AXDND1: variants seen among roughly 807,000 people sequenced by gnomAD.
AXDND1 encodes axonemal dynein light chain domain-containing protein 1.
In AXDND1, 110 loss-of-function variants were observed where a neutral mutation model predicts 137.5. That is an observed-to-expected ratio of 0.80 (90% CI 0.69 to 0.94). The LOEUF (loss-of-function observed/expected upper bound fraction) is 0.94. Among genes scored for constraint, AXDND1 ranks in the 40% least tolerant of loss-of-function variants. The pLI is 0.00. For missense variants in AXDND1, 1,191 were observed against 1,169.8 expected, an observed-to-expected ratio of 1.02 and a Z score of -0.26; for synonymous variants, 414 against 399.7, an observed-to-expected ratio of 1.04 and a Z score of -0.43.
intron 18 of AXDND1, among the ~76,000 whole-genome samples, chr1:179,485,788 TA>T (rs779752155): frequency 1.3e-5 from 2 of 152,064 alleles, no homozygotes; most frequent in African/African-American, 2.4e-5. Context: ...AGGATTACAA[TA>T]AAATGATACA....
intron 22 of AXDND1, among the ~76,000 whole-genome samples, chr1:179,527,351 A>T (rs1333453501): frequency 6.6e-6 from 1 of 152,172 alleles, no homozygotes; most frequent in Non-Finnish European, 1.5e-5. Flanking sequence ...TTTATCAGCA[A>T]GGTCTTTATG....
At chr1:179,534,566 C>T (rs1671333465) in intron 24 of AXDND1, 164 bp from the exon 25 acceptor site, 2 of 786,684 alleles carry the variant, frequency 2.5e-6, no homozygotes, top group Admixed American at 3.7e-5. Context: ...CAGAGTCGCT[C>T]CTGGGCCCCC....
chr1:179,521,269 GCT>G (rs1670035590), intron 21 of AXDND1, among the ~76,000 whole-genome samples: 1 of 151,982 alleles, frequency 6.6e-6, no homozygotes, highest in Admixed American at 6.6e-5. Context: ...AATTTTATAT[GCT>G]GTGACTTTAC....
chr1:179,504,639 G>A (rs1297808235), intron 20 of AXDND1, among the ~76,000 whole-genome samples: 1 of 152,114 alleles, frequency 6.6e-6, no homozygotes, highest in East Asian at 1.9e-4. Flanking sequence ...AGATTTTGTG[G>A]AAGCCTTGTG....
At chr1:179,551,110 T>A in intron 25 of AXDND1, 1 of 1,601,476 alleles carries the variant, frequency 6.2e-7, no homozygotes, top group Non-Finnish European at 8.5e-7. Flanking sequence ...ACAGAGTGTC[T>A]CCCTCAGGCA....
chr1:179,527,022 A>G (rs1670593765), intron 22 of AXDND1, among the ~76,000 whole-genome samples: 1 of 152,238 alleles, frequency 6.6e-6, no homozygotes, highest in Non-Finnish European at 1.5e-5. Context: ...CTTGCACAAG[A>G]AAGAATTCAG....
intron 9 of AXDND1, 73 bp from the exon 10 acceptor site, chr1:179,393,830 T>C (rs1650582835): frequency 1.4e-6 from 2 of 1,408,728 alleles, no homozygotes; most frequent in Non-Finnish European, 1.9e-6. Context: ...TTTGTGTACA[T>C]TGATTTTGTA....
intron 21 of AXDND1, among the ~76,000 whole-genome samples, chr1:179,517,304 C>A (rs1045774748): frequency 6.6e-6 from 1 of 152,196 alleles, no homozygotes; most frequent in African/African-American, 2.4e-5. Flanking sequence ...CACCATGCCC[C>A]TACTAACAGC....
intron 16 of AXDND1, among the ~76,000 whole-genome samples, chr1:179,465,562 G>A (rs1025123027): frequency 2.6e-5 from 4 of 152,190 alleles, no homozygotes; most frequent in African/African-American, 9.6e-5. Context: ...TAGGCTACTC[G>A]GGGGTCATGG....
chr1:179,514,989 G>T (rs1669396740), intron 21 of AXDND1, among the ~76,000 whole-genome samples: 3 of 152,110 alleles, frequency 2.0e-5, no homozygotes, highest in Non-Finnish European at 4.4e-5. Context: ...GGGAGCAGAT[G>T]GTTGGTGAGT....
Position 179,391,423 on chromosome 1 carries a change from G to A in AXDND1, c.864-2480G>A, listed in dbSNP as rs536333720. 5.3e-5 allele frequency among the ~76,000 whole-genome samples: 8 copies of A among 152,132 alleles called. No homozygotes were observed. The East Asian group carries it at 7.7e-4, about 15-fold the overall frequency. Reference sequence around the variant, plus strand: ...CATAATCCCCACATGTTGTGGAAGGGACCAGGTAGAGATGGTTGAGTCATG... The same window carrying A: ...CATAATCCCCACATGTTGTGGAAGGAACCAGGTAGAGATGGTTGAGTCATG... On this transcript the variant is annotated intron_variant, in intron 9 of 25. Coordinates refer to ENST00000367618, the MANE Select transcript of AXDND1 (RefSeq NM_144696.6).
chr1:179,448,434 G>T, intron 16 of AXDND1: 3 of 547,934 alleles, frequency 5.5e-6, no homozygotes, highest in South Asian at 2.1e-5. Flanking sequence ...ATTTTCTTCT[G>T]CACCATTTTC....
In AXDND1 at chr1:179,488,584, CTCTCTCTT is replaced by C. The variant is rs112474985; in HGVS notation, c.2092-2950_2092-2943del. ...CCTGGCCTGATCTATCTTTCTTTCT[CTCTCTCTT>C]TCTTTCTTTCTTTTTCTTTCTTTCT... On this transcript the variant is annotated intron_variant, in intron 18 of 25. Transcript: ENST00000367618. Among the ~76,000 whole-genome samples, 4 of 111,716 alleles carry C rather than the reference CTCTCTCTT, an allele frequency of 3.6e-5. 1 individual carries two copies. Among genetic ancestry groups the C allele is most frequent in the African/African-American group, 6.9e-5 (2 of 29,142 alleles). The allele number at this position is 111,716 out of a possible 152,430, so 73.3% of individuals were successfully genotyped here. A position where few individuals can be genotyped will look rare whatever the true frequency, so the allele number is the denominator to read the frequency against.
chr1:179,463,331 T>C (rs922544486), intron 16 of AXDND1, among the ~76,000 whole-genome samples: 4 of 152,228 alleles, frequency 2.6e-5, no homozygotes, highest in Admixed American at 2.6e-4. Context: ...TTTGTTCTCA[T>C]TGGTTTCGAA....
At chr1:179,379,340 G>A (rs995391213) in intron 5 of AXDND1, 57 bp from the exon 6 acceptor site, 7 of 1,549,282 alleles carry the variant, frequency 4.5e-6, no homozygotes, top group East Asian at 2.4e-5. Context: ...TTGTGCAAGT[G>A]AATTTTTTCT....
At chr1:179,473,465 T>G (rs1664219886) in intron 17 of AXDND1, among the ~76,000 whole-genome samples, 1 of 152,080 alleles carries the variant, frequency 6.6e-6, no homozygotes, top group African/African-American at 2.4e-5. Flanking sequence ...GCCATTGCAC[T>G]CCAGCCTGAG....
chr1:179,548,195 G>A (rs1227079917), intron 25 of AXDND1, among the ~76,000 whole-genome samples: 1 of 152,154 alleles, frequency 6.6e-6, no homozygotes, highest in African/African-American at 2.4e-5. Flanking sequence ...GCTCTTATTT[G>A]GATGCAGCCT....
At position 179,481,629 on chromosome 1, in the gene AXDND1, C is replaced by T. The variant is rs1442243998; in HGVS notation, c.1998-1499C>T. 2.6e-5 allele frequency among the ~76,000 whole-genome samples: 4 copies of T among 152,306 alleles called. No individual in the cohort carries two copies. In the East Asian group the frequency reaches 7.7e-4, roughly 29 times the overall value. ...GTGTAAAAGTGTTCCTATTTCCCCA[C>T]ATCCTCTCCAGCACCTGTTGTTTGC... On this transcript the variant is annotated intron_variant, in intron 17 of 25. Coordinates refer to ENST00000367618, the MANE Select transcript of AXDND1 (RefSeq NM_144696.6).
rs533653711 is a variant in AXDND1, at chr1:179,456,557, G to A, written c.1798+11353G>A. 1.8e-4 allele frequency: 139 copies of A among 777,186 alleles called. 1 individual carries two copies. The highest frequency in any genetic ancestry group is 1.1e-3 in the Middle Eastern group (3 of 2,744). 48.1% of individuals were successfully genotyped at this position (777,186 alleles called of 1,614,324 possible). A position where few individuals can be genotyped will look rare whatever the true frequency, so the allele number is the denominator to read the frequency against. On this transcript the variant is annotated intron_variant, in intron 16 of 25. Transcript: ENST00000367618. ...CACTTCCATAGCCTCTGCTTCCTCC[G>A]GAGTAACCAGGGCCACCTCCTCCAT...
Sources: gnomAD v4.1 joint callset for allele counts (sites outside exome capture counted in the v4.1 genomes callset) on GRCh38, gnomAD v4.1.1 for gene constraint, MANE v1.5 for transcripts, NCBI Gene and HGNC (gene_info 2026-07-23, HGNC 2026-07-21) for gene names.